OLR1: variants seen among roughly 807,000 people sequenced by gnomAD.
OLR1 encodes the protein oxidized low-density lipoprotein receptor 1.
In OLR1, 23 loss-of-function variants were observed where a neutral mutation model predicts 31.7. That is an observed-to-expected ratio of 0.72 (90% CI 0.52 to 1.03). The LOEUF is 1.03. Ranked by LOEUF, OLR1 falls within the 50% of genes least tolerant of loss-of-function variation. The pLI, the probability that OLR1 is intolerant of heterozygous loss-of-function variation, is 0.00. For missense variants in OLR1, 286 were observed against 315.7 expected (o/e 0.91, Z 0.71); for synonymous variants, 117 against 115.8 (o/e 1.01, Z -0.07).
rs564119044 is a variant in OLR1 at position 10,160,172 on chromosome 12, T to C, written c.681-151A>G. On this transcript the variant is annotated intron_variant, in intron 5 of 5. Coordinates refer to ENST00000309539, the MANE Select transcript of OLR1 (RefSeq NM_002543.4). ...AAAACTCAAGAAAATGTCTGAATGG[T>C]TAATGAGTAAATCTTTTTGTGAAAG... 214 of 974,704 alleles carry C rather than the reference T, an allele frequency of 2.2e-4. 2 individuals carry two copies. In the South Asian group the frequency reaches 3.5e-3, roughly 16 times the overall value. The allele number at this position is 974,704 out of a possible 1,614,324, so 60.4% of individuals were successfully genotyped here. A position where few individuals can be genotyped will look rare whatever the true frequency, so the allele number is the denominator to read the frequency against.
intron 3 of OLR1, among the ~76,000 whole-genome samples, chr12:10,162,904 A>C (rs1948631615): frequency 6.6e-6 from 1 of 152,196 alleles, no homozygotes; most frequent in Admixed American, 6.5e-5. Context: ...AGTTATGACA[A>C]AGTAAGAAGG....
At position 10,166,910 on chromosome 12, in the gene OLR1, G is replaced by A. The variant is rs1249438944; in HGVS notation, c.226C>T (p.His76Tyr). ...TGTCCCTCCAGTTTCTTTTTCTGGT[G>A]AGTTAGGTTTGCTTGCTCTTGTGTT... Reference protein sequence around the residue: ...LLTQEQANLTHQKKKLEGQIS... With the variant: ...LLTQEQANLTYQKKKLEGQIS... The change falls in exon 3 of 6, where the codon CAC (histidine) becomes TAC (tyrosine). Residue 76 changes from histidine (H) to tyrosine (Y), a missense_variant. By Grantham distance (83) the His-to-Tyr change is moderately conservative. Transcript: ENST00000309539. 1.2e-6 allele frequency: 2 copies of A among 1,613,724 alleles called. No individual in the cohort carries two copies. The highest frequency in any genetic ancestry group is 1.7e-5 in the Admixed American group (1 of 59,932).
chr12:10,174,005 A>G (rs1387879245), upstream of OLR1, among the ~76,000 whole-genome samples: 1 of 152,116 alleles, frequency 6.6e-6, no homozygotes, highest in Non-Finnish European at 1.5e-5. Context: ...CTGAAACTCT[A>G]TACCCACCAA....
chr12:10,159,710 T>G lies in OLR1; in HGVS notation c.*170A>C. On this transcript the variant is annotated 3_prime_UTR_variant, in exon 6 of 6. Transcript: ENST00000309539. ...TACAGGTAGCTAGAATCAAAAATGT[T>G]GACATAAAGGTGCCAGGCTCCTGGA... 1.9e-6 allele frequency: 1 copy of G among 527,940 alleles called. No homozygotes were observed. The highest frequency in any genetic ancestry group is 1.9e-5 in the African/African-American group (1 of 53,480). 32.7% of individuals were successfully genotyped at this position (527,940 alleles called of 1,614,324 possible).
intron 2 of OLR1, 107 bp downstream of exon 2, chr12:10,168,967 C>A (rs1948685860): frequency 1.5e-6 from 1 of 675,440 alleles, no homozygotes; most frequent in African/African-American, 1.8e-5. Flanking sequence ...GAATCTATAT[C>A]AAGGCTGTTT....
At chr12:10,174,210 G>C (rs991068487), upstream of OLR1, among the ~76,000 whole-genome samples, 1 of 152,014 alleles carries the variant, frequency 6.6e-6, no homozygotes, top group African/African-American at 2.4e-5. Context: ...ACAGGTGCCC[G>C]CCACCCCTCC....
upstream of OLR1, among the ~76,000 whole-genome samples, chr12:10,173,429 C>T (rs1322199636): frequency 6.6e-6 from 1 of 152,010 alleles, no homozygotes; most frequent in East Asian, 1.9e-4. Flanking sequence ...ATTCCATTTC[C>T]CTCCTCCTCC....
intron 3 of OLR1, among the ~76,000 whole-genome samples, chr12:10,165,361 C>T (rs980137845): frequency 6.6e-5 from 10 of 151,918 alleles, no homozygotes; most frequent in Admixed American, 2.0e-4. Context: ...ACCCTGGAGG[C>T]GGAGGTGGCA....
At position 10,159,851 on chromosome 12, in the gene OLR1, T is replaced by A. The variant is rs1035542814; in HGVS notation, c.*29A>T. 7 of 1,576,096 alleles carry A rather than the reference T, an allele frequency of 4.4e-6. No individual in the cohort carries two copies. The African/African-American group carries it at 9.5e-5, about 21-fold the overall frequency. On this transcript the variant is annotated 3_prime_UTR_variant, in exon 6 of 6. Coordinates refer to ENST00000309539, the MANE Select transcript of OLR1 (RefSeq NM_002543.4). ...AAATTCCAGAATAAAACTCAAAGAC[T>A]TTTTTCTTTTCTTCCAGAGCCTTCA... is the stretch of plus-strand genomic sequence containing the variant.
At chr12:10,172,182 A>G, upstream of OLR1, 1 of 741,076 alleles carries the variant, frequency 1.3e-6, no homozygotes, top group South Asian at 1.6e-5. Context: ...CTGTTATCTA[A>G]TAGAAGAATG....
chr12:10,169,023 T>A lies in OLR1; in HGVS notation c.178+51A>T. The A allele has an allele frequency of 3.1e-6, 4 of 1,308,804 alleles. No homozygotes were observed. In the South Asian group the frequency reaches 5.3e-5, roughly 17 times the overall value. The allele number at this position is 1,308,804 out of a possible 1,614,324, so 81.1% of individuals were successfully genotyped here. Reference sequence around the variant, plus strand: ...TTATAAACCATATTTATTAACCTCATTTCCAACACCCCTGCCCCAATAAAC... The same window carrying A: ...TTATAAACCATATTTATTAACCTCAATTCCAACACCCCTGCCCCAATAAAC... On this transcript the variant is annotated intron_variant, in intron 2 of 5. Coordinates refer to ENST00000309539, the MANE Select transcript of OLR1 (RefSeq NM_002543.4).
chr12:10,161,878 T>G lies in OLR1; in HGVS notation c.425-953A>C, dbSNP rs377373987. 6.0e-5 allele frequency among the ~76,000 whole-genome samples: 9 copies of G among 151,184 alleles called. No individual in the cohort carries two copies. The East Asian group carries it at 1.5e-3, about 26-fold the overall frequency. On this transcript the variant is annotated intron_variant, in intron 3 of 5. Coordinates refer to ENST00000309539, the MANE Select transcript of OLR1 (RefSeq NM_002543.4). Reference sequence around the variant, plus strand: ...ATAAAATGTGTTTCTAAAATTAATTTTATCTGCTTCTTTTTCATTTTTATG... The same window carrying G: ...ATAAAATGTGTTTCTAAAATTAATTGTATCTGCTTCTTTTTCATTTTTATG...
chr12:10,168,341 G>A (rs983689998), intron 2 of OLR1, among the ~76,000 whole-genome samples: 15 of 151,892 alleles, frequency 9.9e-5, no homozygotes, highest in Non-Finnish European at 8.8e-5. Flanking sequence ...CATTAAAATG[G>A]TATTTAATTA....
At chr12:10,160,700 C>G in intron 4 of OLR1, 86 bp downstream of exon 4, 2 of 1,526,874 alleles carry the variant, frequency 1.3e-6, no homozygotes, top group Non-Finnish European at 1.8e-6. Flanking sequence ...GGCTCTCAAA[C>G]AAGAATTCCT....
chr12:10,170,101 C>A (rs1167582077), intron 1 of OLR1, among the ~76,000 whole-genome samples: 1 of 152,102 alleles, frequency 6.6e-6, no homozygotes, highest in Non-Finnish European at 1.5e-5. Flanking sequence ...TGCTAAAACC[C>A]AAAAATAAGT....
chr12:10,162,109 A>G (rs1158097349), intron 3 of OLR1, among the ~76,000 whole-genome samples: 1 of 152,132 alleles, frequency 6.6e-6, no homozygotes, highest in Admixed American at 6.6e-5. Context: ...CTTAGACAAT[A>G]GGCAAAATAT....
chr12:10,172,322 T>C (rs1948729952), upstream of OLR1: 2 of 389,612 alleles, frequency 5.1e-6, no homozygotes, highest in Non-Finnish European at 9.4e-6. Flanking sequence ...GATATTTCGC[T>C]AAGTAATTTA....
intron 1 of OLR1, among the ~76,000 whole-genome samples, chr12:10,171,079 C>T (rs1019782888): frequency 3.3e-5 from 5 of 152,228 alleles, no homozygotes; most frequent in Middle Eastern, 3.4e-3. Flanking sequence ...AGTAAAGAAA[C>T]GAATGACTAT....
upstream of OLR1, chr12:10,172,217 AG>A (rs1948728742): frequency 4.8e-6 from 3 of 620,522 alleles, no homozygotes; most frequent in Non-Finnish European, 8.4e-6. Context: ...AGGAGGAAGG[AG>A]AGGCTTTGCT....
Sources: gnomAD v4.1 joint callset for allele counts (sites outside exome capture counted in the v4.1 genomes callset) on GRCh38, gnomAD v4.1.1 for gene constraint, MANE v1.5 for transcripts, NCBI Gene and HGNC (gene_info 2026-07-23, HGNC 2026-07-21) for gene names.